CERT1: variants seen among roughly 807,000 people sequenced by gnomAD.
CERT1 encodes the protein ceramide transfer protein.
Under a neutral mutation model 87.9 loss-of-function variants are expected in CERT1, and 31 were observed. The ratio of observed to expected loss-of-function variants is 0.35; its 90% CI spans 0.27 to 0.48. CERT1 has a LOEUF of 0.48. CERT1 is among the 20% of genes least tolerant of loss of function. CERT1 has a pLI of 0.99. For missense variants in CERT1, 487 were observed against 758.0 expected (o/e 0.64, Z 4.20); for synonymous variants, 289 against 250.9 (o/e 1.15, Z -1.44).
At chr5:75,397,568 CATT>C (rs2112070874) in intron 11 of CERT1, among the ~76,000 whole-genome samples, 1 of 152,218 alleles carries the variant, frequency 6.6e-6, no homozygotes, top group Non-Finnish European at 1.5e-5. Context: ...TCTTTGCTGT[CATT>C]ATATTTTCTT....
At chr5:75,426,855 T>C (rs560673115) in intron 3 of CERT1, among the ~76,000 whole-genome samples, 2 of 152,334 alleles carry the variant, frequency 1.3e-5, no homozygotes, top group African/African-American at 4.8e-5. Flanking sequence ...TGAAGATGGA[T>C]GATGGTGACG....
intron 8 of CERT1, among the ~76,000 whole-genome samples, chr5:75,404,097 C>T (rs978860177): frequency 6.6e-6 from 1 of 151,990 alleles, no homozygotes; most frequent in African/African-American, 2.4e-5. Flanking sequence ...CAGTTAAACT[C>T]ATAACCCCAA....
chr5:75,457,707 G>A (rs534760607), intron 3 of CERT1, among the ~76,000 whole-genome samples: 2 of 151,976 alleles, frequency 1.3e-5, no homozygotes, highest in Non-Finnish European at 1.5e-5. Context: ...GATTGATAAA[G>A]AAGTATGCAA....
At chr5:75,426,301 T>G in intron 4 of CERT1, 70 bp downstream of exon 4, 5 of 1,074,278 alleles carry the variant, frequency 4.7e-6, no homozygotes, top group Non-Finnish European at 7.2e-6. Context: ...ATCACATATG[T>G]TCTGTTCACA....
intron 12 of CERT1, among the ~76,000 whole-genome samples, chr5:75,388,148 A>C (rs1050552863): frequency 9.2e-5 from 14 of 152,204 alleles, no homozygotes; most frequent in African/African-American, 3.4e-4. Flanking sequence ...TTAATTCTGG[A>C]GTAACAAGAC....
upstream of CERT1, chr5:75,511,914 G>C: frequency 1.6e-6 from 2 of 1,258,922 alleles, no homozygotes; most frequent in Non-Finnish European, 1.1e-6. Context: ...TGAGGTAACG[G>C]GTGAGTATCC....
chr5:75,479,318 T>TG (rs1766119311), intron 2 of CERT1, among the ~76,000 whole-genome samples: 2 of 152,102 alleles, frequency 1.3e-5, no homozygotes, highest in Admixed American at 6.6e-5. Flanking sequence ...ATTTTAGGTT[T>TG]GGGGGTACAT....
chr5:75,460,169 C>T (rs1017200949), intron 2 of CERT1, among the ~76,000 whole-genome samples: 16 of 152,106 alleles, frequency 1.1e-4, no homozygotes, highest in African/African-American at 3.6e-4. Context: ...TTTTTTCTTA[C>T]TCCATTATTC....
chr5:75,381,187 A>C lies in CERT1; in HGVS notation c.1632T>G (p.Cys544Trp). ...TAGCAACATTTATTTTGGCACGGAC[A>C]CATCGGTTGTTTAGCTGCCAAAACA... ...DHDSAPLNNR[C>W]VRAKINVAMI... Residue 544 changes from cysteine to tryptophan, a missense_variant, in exon 16 of 17, where the codon TGT becomes TGG. Physicochemically the swap from Cys to Trp is radical, Grantham distance 215. This residue lies in a region of CERT1 where 147 missense variants were observed against 200.8 expected (regional missense o/e 0.73). Transcript: ENST00000643780. 6.2e-7 allele frequency: 1 copy of C among 1,614,166 alleles called. No homozygotes were observed. The highest frequency in any genetic ancestry group is 8.5e-7 in the Non-Finnish European group (1 of 1,180,014).
At chr5:75,484,932 C>G (rs1181918407) in intron 2 of CERT1, among the ~76,000 whole-genome samples, 1 of 152,086 alleles carries the variant, frequency 6.6e-6, no homozygotes, top group Admixed American at 6.6e-5. Flanking sequence ...CTCCTCAGCA[C>G]ATGGATCACT....
chr5:75,423,853 A>C lies in CERT1; in HGVS notation c.595+1508T>G, dbSNP rs903789819. On this transcript the variant is annotated intron_variant, in intron 5 of 16. Coordinates refer to ENST00000643780, the MANE Select transcript of CERT1 (RefSeq NM_001379029.1). ...TACCTAAGAAGCTAACAAAGGAGAT[A>C]AAGTGGAATTATATATATATGAAAA... Among the ~76,000 whole-genome samples the C allele has an allele frequency of 1.2e-4, 18 of 152,318 alleles. No homozygotes were observed. In the East Asian group the frequency reaches 3.5e-3, roughly 29 times the overall value.
chr5:75,424,273 G>A (rs1763505499), intron 5 of CERT1, among the ~76,000 whole-genome samples: 4 of 152,126 alleles, frequency 2.6e-5, no homozygotes, highest in African/African-American at 7.2e-5. Context: ...AAAGGGTAGA[G>A]AAAGGGAGAG....
chr5:75,452,429 T>A (rs923456235), intron 3 of CERT1, among the ~76,000 whole-genome samples: 2 of 152,184 alleles, frequency 1.3e-5, no homozygotes, highest in Admixed American at 1.3e-4. Flanking sequence ...CTTAACTTTT[T>A]CAAAATGATT....
Position 75,379,334 on chromosome 5 carries a change from T to C in CERT1, c.*12A>G. 6.2e-7 allele frequency: 1 copy of C among 1,604,204 alleles called. No homozygotes were observed. Among genetic ancestry groups the C allele is most frequent in the East Asian group, 2.2e-5 (1 of 44,832 alleles). ...AAAAAAGATAAAACATATCTTCTAG[T>C]ACCTGTTAATACTAGAACAAAATAG... On this transcript the variant is annotated 3_prime_UTR_variant, in exon 17 of 17. Transcript: ENST00000643780.
intron 8 of CERT1, among the ~76,000 whole-genome samples, chr5:75,408,653 T>G (rs761706257): frequency 2.0e-5 from 3 of 151,460 alleles, no homozygotes; most frequent in Non-Finnish European, 4.4e-5. Context: ...GGGGTGAGAG[T>G]TAAAAAATTA....
At chr5:75,501,646 G>A (rs1411907822) in intron 2 of CERT1, among the ~76,000 whole-genome samples, 1 of 152,136 alleles carries the variant, frequency 6.6e-6, no homozygotes, top group East Asian at 1.9e-4. Context: ...AGGATAAGAA[G>A]GACAAGCCAA....
At chr5:75,442,377 C>G (rs867999046) in intron 3 of CERT1, among the ~76,000 whole-genome samples, 1 of 152,150 alleles carries the variant, frequency 6.6e-6, no homozygotes, top group East Asian at 1.9e-4. Flanking sequence ...CACACCACCA[C>G]GTCCAGCTAA....
At chr5:75,468,118 T>C (rs975865462) in intron 2 of CERT1, among the ~76,000 whole-genome samples, 1 of 152,188 alleles carries the variant, frequency 6.6e-6, no homozygotes, top group Non-Finnish European at 1.5e-5. Context: ...AACAAATTAA[T>C]GTTATAAGAA....
intron 1 of CERT1, 95 bp from the exon 2 acceptor site, chr5:75,506,211 A>G: frequency 8.2e-7 from 1 of 1,216,398 alleles, no homozygotes; most frequent in Non-Finnish European, 1.1e-6. Flanking sequence ...TAATTTTAAA[A>G]CCAAAACGTG....
Sources: allele counts gnomAD v4.1 joint callset (sites outside exome capture counted in the v4.1 genomes callset), GRCh38; gene constraint gnomAD v4.1.1; regional missense constraint gnomAD v4.1.1; transcripts MANE v1.5; gene names NCBI Gene and HGNC (gene_info 2026-07-23, HGNC 2026-07-21).